CNTNAP2: variants seen among roughly 807,000 people sequenced by gnomAD.
The protein encoded by CNTNAP2 is contactin associated protein 2, also known as contactin-associated protein-like 2.
In CNTNAP2, 98 loss-of-function variants were observed where a neutral mutation model predicts 155.2. The ratio of observed to expected loss-of-function variants is 0.63; its 90% CI spans 0.54 to 0.75. CNTNAP2 has a LOEUF of 0.75. CNTNAP2 is among the 30% of genes least tolerant of loss of function. CNTNAP2 has a pLI of 0.00. For missense variants in CNTNAP2, 1,727 were observed against 1,688.1 expected, an observed-to-expected ratio of 1.02 and a Z score of -0.40; for synonymous variants, 651 against 631.2, an observed-to-expected ratio of 1.03 and a Z score of -0.47.
chr7:146,235,218 C>T (rs976914533), intron 1 of CNTNAP2, among the ~76,000 whole-genome samples: 1 of 151,170 alleles, frequency 6.6e-6, no homozygotes, highest in African/African-American at 2.4e-5. Context: ...TTTTTCCTTT[C>T]TACATCCTTT....
At chr7:147,954,875 C>T (rs891135395) in intron 14 of CNTNAP2, among the ~76,000 whole-genome samples, 1 of 152,148 alleles carries the variant, frequency 6.6e-6, no homozygotes, top group Non-Finnish European at 1.5e-5. Context: ...TATAAAAAGG[C>T]TGAAAGATTT....
chr7:146,770,715 G>T (rs923021224), intron 1 of CNTNAP2, among the ~76,000 whole-genome samples: 4 of 151,636 alleles, frequency 2.6e-5, no homozygotes, highest in African/African-American at 9.7e-5. Flanking sequence ...TGTAAAATTT[G>T]GTACTCAGAT....
chr7:148,408,749 G>A (rs1274983723), intron 22 of CNTNAP2, among the ~76,000 whole-genome samples: 2 of 152,162 alleles, frequency 1.3e-5, no homozygotes, highest in Admixed American at 6.5e-5. Context: ...GGATCTATTT[G>A]CCTTTACCGG....
At chr7:147,879,289 G>A (rs1016932521) in intron 13 of CNTNAP2, among the ~76,000 whole-genome samples, 2 of 152,086 alleles carry the variant, frequency 1.3e-5, no homozygotes, top group Non-Finnish European at 2.9e-5. Context: ...GACGACGAAG[G>A]CATCATTTAC....
chr7:148,081,884 G>A (rs960864209), intron 15 of CNTNAP2, among the ~76,000 whole-genome samples: 1 of 152,196 alleles, frequency 6.6e-6, no homozygotes, highest in Non-Finnish European at 1.5e-5. Flanking sequence ...AAGATTGGAG[G>A]AGTTGGTTAT....
chr7:147,269,641 C>T (rs1428652951), intron 8 of CNTNAP2, among the ~76,000 whole-genome samples: 1 of 152,100 alleles, frequency 6.6e-6, no homozygotes, highest in African/African-American at 2.4e-5. Context: ...ACAGAAGGGC[C>T]AGGACAATCA....
chr7:147,290,445 C>A (rs1805277986), intron 8 of CNTNAP2, among the ~76,000 whole-genome samples: 2 of 151,990 alleles, frequency 1.3e-5, no homozygotes, highest in African/African-American at 4.8e-5. Context: ...CTTTGGGAGG[C>A]CGAGGCGGGT....
intron 1 of CNTNAP2, among the ~76,000 whole-genome samples, chr7:146,468,124 A>T (rs1266409480): frequency 2.6e-5 from 4 of 152,192 alleles, no homozygotes; most frequent in Admixed American, 1.3e-4. Flanking sequence ...GACATCTAAA[A>T]TTTTTTAAAA....
chr7:147,874,843 A>G (rs944293199), intron 13 of CNTNAP2, among the ~76,000 whole-genome samples: 1 of 152,108 alleles, frequency 6.6e-6, no homozygotes, highest in African/African-American at 2.4e-5. Context: ...AGATACCCTA[A>G]ATTATCTCAC....
At chr7:147,306,551 C>G (rs1401576682) in intron 9 of CNTNAP2, among the ~76,000 whole-genome samples, 1 of 152,134 alleles carries the variant, frequency 6.6e-6, no homozygotes, top group Non-Finnish European at 1.5e-5. Flanking sequence ...TATTGGAAAG[C>G]TTTGTGTAAA....
At chr7:146,498,159 T>A (rs1049503211) in intron 1 of CNTNAP2, among the ~76,000 whole-genome samples, 6 of 152,244 alleles carry the variant, frequency 3.9e-5, no homozygotes, top group African/African-American at 1.4e-4. Flanking sequence ...GCAACTGGCA[T>A]TCACACTGCT....
Position 146,708,390 on chromosome 7 carries a change from AT to A in CNTNAP2, c.98-65874del, listed in dbSNP as rs1004053200. ...TAGAAATTTCTTTCTTTTTGTTGGC[AT>A]TTTTTTGTGGTTCTCTCTTAGGAGA... On this transcript the variant is annotated intron_variant, in intron 1 of 23. Coordinates refer to ENST00000361727, the MANE Select transcript of CNTNAP2 (RefSeq NM_014141.6). Among the ~76,000 whole-genome samples, 99 of 151,832 alleles carry A rather than the reference AT, an allele frequency of 6.5e-4. No individual in the cohort carries two copies. In the South Asian group the frequency reaches 9.0e-3, roughly 14 times the overall value.
intron 2 of CNTNAP2, among the ~76,000 whole-genome samples, chr7:146,816,975 T>C (rs1803183241): frequency 6.6e-6 from 1 of 152,024 alleles, no homozygotes; most frequent in Non-Finnish European, 1.5e-5. Flanking sequence ...TTAATTCAGG[T>C]CTGGAGAAAA....
At chr7:147,465,450 ATAT>A (rs1326982396) in intron 10 of CNTNAP2, among the ~76,000 whole-genome samples, 4 of 152,198 alleles carry the variant, frequency 2.6e-5, no homozygotes, top group Admixed American at 6.5e-5. Flanking sequence ...ATTTGACTTC[ATAT>A]CTTGGCTACT....
At chr7:147,149,867 A>C (rs566816682) in intron 8 of CNTNAP2, among the ~76,000 whole-genome samples, 1 of 152,348 alleles carries the variant, frequency 6.6e-6, no homozygotes, top group East Asian at 1.9e-4. Flanking sequence ...ATGTATATGA[A>C]GAGAAGTTGG....
chr7:147,385,195 G>A (rs533649321), intron 9 of CNTNAP2, among the ~76,000 whole-genome samples: 21 of 152,236 alleles, frequency 1.4e-4, no homozygotes, highest in South Asian at 1.2e-3. Flanking sequence ...TCCCTGACTC[G>A]TGGGAAGTGT....
At chr7:148,306,362 C>A (rs1797492584) in intron 21 of CNTNAP2, among the ~76,000 whole-genome samples, 1 of 152,144 alleles carries the variant, frequency 6.6e-6, no homozygotes, top group South Asian at 2.1e-4. Context: ...TTCTTGAACT[C>A]TAGGAATAGA....
chr7:146,554,890 G>A (rs1342860143), intron 1 of CNTNAP2, among the ~76,000 whole-genome samples: 2 of 152,220 alleles, frequency 1.3e-5, no homozygotes, highest in African/African-American at 4.8e-5. Flanking sequence ...GCACTTGAGT[G>A]TCCATAAGTT....
chr7:146,133,403 A>G (rs887692919), intron 1 of CNTNAP2, among the ~76,000 whole-genome samples: 1 of 151,886 alleles, frequency 6.6e-6, no homozygotes, highest in Admixed American at 6.6e-5. Flanking sequence ...GCTGTGCAGA[A>G]GCTCTTTAGT....
Sources: gnomAD v4.1 joint callset for allele counts (sites outside exome capture counted in the v4.1 genomes callset) on GRCh38, gnomAD v4.1.1 for gene constraint, MANE v1.5 for transcripts, NCBI Gene and HGNC (gene_info 2026-07-23, HGNC 2026-07-21) for gene names.